Variants in DEDD observed in about 807,000 individuals in gnomAD.
DEDD encodes the protein death effector domain containing.
Under a neutral mutation model 29.2 loss-of-function variants are expected in DEDD, and 3 were observed. The ratio of observed to expected loss-of-function variants is 0.10; its 90% CI spans 0.05 to 0.27. The LOEUF is 0.27. Ranked by LOEUF, DEDD falls within the 10% of genes least tolerant of loss-of-function variation. The pLI, the probability that DEDD is intolerant of heterozygous loss-of-function variation, is 1.00. For missense variants in DEDD, 261 were observed against 420.5 expected, an observed-to-expected ratio of 0.62 and a Z score of 3.32; for synonymous variants, 152 against 161.3, an observed-to-expected ratio of 0.94 and a Z score of 0.44.
At chr1:161,130,215 ACTCT>A (rs1417828203) in intron 2 of DEDD, among the ~76,000 whole-genome samples, 1 of 152,190 alleles carries the variant, frequency 6.6e-6, no homozygotes, top group Non-Finnish European at 1.5e-5. Context: ...GAGATATCTG[ACTCT>A]CTCAGAAGTC....
rs779596398 is a variant in DEDD, at chr1:161,124,473, C to T, written c.-11G>A. The T allele has an allele frequency of 5.0e-6, 8 of 1,593,012 alleles. 2 individuals are homozygous for T. The South Asian group carries it at 7.9e-5, about 16-fold the overall frequency. On this transcript the variant is annotated 5_prime_UTR_variant, in exon 3 of 6. It removes the in-frame stop codon of an upstream open reading frame in the 5' UTR. Coordinates refer to ENST00000368006, the MANE Select transcript of DEDD (RefSeq NM_032998.3). ...CTTTAGGCCCGCCATGCTGGGGGCT[C>T]AGGTACGCAATGCTTTCCAGAATCC...
rs1367743690 is a variant in DEDD, at chr1:161,123,933, A to G, written c.339T>C (p.Leu113=). Residue 113 remains leucine (L), a synonymous_variant, in exon 4 of 6, where the codon CTT becomes CTC. Coordinates refer to ENST00000368006, the MANE Select transcript of DEDD (RefSeq NM_032998.3). ...LKRRRAVCPD[L]VDKYLEETSI... ...ATGTCTCCTCCAGATACTTGTCTAC[A>G]AGATCAGGGCACACTGTAGGAGGAG... 3 of 1,613,966 alleles carry G rather than the reference A, an allele frequency of 1.9e-6. No homozygotes were observed. The highest frequency in any genetic ancestry group is 2.5e-6 in the Non-Finnish European group (3 of 1,180,014).
rs1163468463 is a variant in DEDD, at chr1:161,121,655, A to T, written c.*492T>A. 1 of 154,958 alleles carries T rather than the reference A, an allele frequency of 6.5e-6. No homozygotes were observed. The highest frequency in any genetic ancestry group is 1.4e-5 in the Non-Finnish European group (1 of 69,456). The allele number at this position is 154,958 out of a possible 1,614,324, so 9.6% of individuals were successfully genotyped here. On this transcript the variant is annotated 3_prime_UTR_variant, in exon 6 of 6. Coordinates refer to ENST00000368006, the MANE Select transcript of DEDD (RefSeq NM_032998.3). ...GTGGAAAGGGCCACAGCTTGTTTTT[A>T]AAAAATTCTATAATTTGGAAGAGGG... is the stretch of plus-strand genomic sequence containing the variant.
intron 4 of DEDD, 142 bp from the exon 5 acceptor site, chr1:161,123,363 G>A (rs1655747026): frequency 9.6e-6 from 8 of 835,616 alleles, no homozygotes; most frequent in African/African-American, 1.7e-5. Context: ...TGTGAGACCA[G>A]GTGCAGTGGC....
In DEDD at chr1:161,122,024, T is replaced by TAA. The variant is rs34197267; in HGVS notation, c.*121_*122dup. On this transcript the variant is annotated 3_prime_UTR_variant, in exon 6 of 6. Transcript: ENST00000368006. The surrounding 1 kb of genome is among the most constrained non-coding windows in gnomAD (Gnocchi z 4.2). ...TTCCACTTTCTTTTGTCTTTTTCTTTAAAAAAAAAAAAAAAAAGGCAGGGG... is the reference window on the plus strand; with the variant it reads ...TTCCACTTTCTTTTGTCTTTTTCTTTAAAAAAAAAAAAAAAAAAAGGCAGGGG... 17,882 of 1,060,588 alleles carry TAA rather than the reference T, an allele frequency of 0.017. 3 individuals carry two copies. Among genetic ancestry groups the TAA allele is most frequent in the Middle Eastern group, 0.018 (54 of 2,962 alleles). 65.7% of individuals were successfully genotyped at this position (1,060,588 alleles called of 1,614,324 possible). A position where few individuals can be genotyped will look rare whatever the true frequency, so the allele number is the denominator to read the frequency against.
rs1655455075 is a variant in DEDD at position 161,121,212 on chromosome 1, A to G, written c.*935T>C. On this transcript the variant is annotated 3_prime_UTR_variant, in exon 6 of 6. Coordinates refer to ENST00000368006, the MANE Select transcript of DEDD (RefSeq NM_032998.3). ...AACACTCAGTGCATGTCCCAGCCCC[A>G]TTCTCCCAAGCATGGGAGTGGGCGT... is the stretch of plus-strand genomic sequence containing the variant. 1 of 1,000,828 alleles carries G rather than the reference A, an allele frequency of 1.0e-6. No individual in the cohort carries two copies. Among genetic ancestry groups the G allele is most frequent in the Non-Finnish European group, 1.2e-6 (1 of 837,952 alleles). The allele number at this position is 1,000,828 out of a possible 1,614,324, so 62.0% of individuals were successfully genotyped here. A position where few individuals can be genotyped will look rare whatever the true frequency, so the allele number is the denominator to read the frequency against.
At chr1:161,123,003 C>T (rs769589484) in intron 5 of DEDD, 72 bp downstream of exon 5, 1 of 1,614,102 alleles carries the variant, frequency 6.2e-7, no homozygotes, top group Non-Finnish European at 8.5e-7. Context: ...GCATAAACTG[C>T]CCAGTGTCCC....
chr1:161,130,902 T>TA (rs1313878048), intron 1 of DEDD, 55 bp from the exon 2 acceptor site: 1 of 151,980 alleles, frequency 6.6e-6, no homozygotes, highest in Non-Finnish European at 1.5e-5. Flanking sequence ...GAGGGGAAAA[T>TA]AATTAATTTT....
chr1:161,125,200 A>C (rs1354295231), intron 2 of DEDD: 1 of 152,222 alleles, frequency 6.6e-6, no homozygotes, highest in Non-Finnish European at 1.5e-5. Context: ...TCATCTATAA[A>C]CAGGGATGAA....
intron 2 of DEDD, among the ~76,000 whole-genome samples, chr1:161,127,346 G>A (rs992673493): frequency 6.6e-6 from 1 of 152,178 alleles, no homozygotes; most frequent in South Asian, 2.1e-4. Context: ...CAATTAAACA[G>A]GTTGCTCTGT....
chr1:161,129,466 A>T (rs1442458168), intron 2 of DEDD, among the ~76,000 whole-genome samples: 2 of 151,432 alleles, frequency 1.3e-5, no homozygotes, highest in African/African-American at 4.9e-5. Flanking sequence ...GCATAGTGGG[A>T]CATACCTGTG....
At chr1:161,124,756 G>GT (rs1418447661) in intron 2 of DEDD, 7 of 362,218 alleles carry the variant, frequency 1.9e-5, no homozygotes, top group African/African-American at 6.2e-5. Flanking sequence ...GAGCCCAGGC[G>GT]TTTAAGACCA....
rs933198992 is a variant in DEDD, at chr1:161,123,881, G to C, written c.391C>G (p.Leu131Val). ...TSIRYVTPRALSDPEPRPPQP... is the reference protein window; with the variant it reads ...TSIRYVTPRAVSDPEPRPPQP... ...GGAGGCCTTGGTTCTGGATCACTGAGGGCTCTGGGGGTCACATAGCGAATT... is the reference window on the plus strand; with the variant it reads ...GGAGGCCTTGGTTCTGGATCACTGACGGCTCTGGGGGTCACATAGCGAATT... The change falls in exon 4 of 6, where the codon CTC becomes GTC. Residue 131 changes from leucine (L) to valine (V), a missense_variant. Leu to Val is a conservative substitution (Grantham distance 32, BLOSUM62 1). Transcript: ENST00000368006. 3.7e-6 allele frequency: 6 copies of C among 1,613,924 alleles called. No individual in the cohort carries two copies. Among genetic ancestry groups the C allele is most frequent in the Admixed American group, 1.7e-5 (1 of 59,984 alleles).
chr1:161,126,786 C>A (rs904786987), intron 2 of DEDD, among the ~76,000 whole-genome samples: 2 of 152,110 alleles, frequency 1.3e-5, no homozygotes, highest in African/African-American at 4.8e-5. Context: ...TTTCTCTATA[C>A]CTTCTTCAGG....
At position 161,124,336 on chromosome 1, in the gene DEDD, GCACATCT is replaced by G; in HGVS notation, c.120_126del (p.Arg40SerfsTer73). The G allele has an allele frequency of 6.2e-7, 1 of 1,614,232 alleles. No homozygotes were observed. Among genetic ancestry groups the G allele is most frequent in the Non-Finnish European group, 8.5e-7 (1 of 1,180,050 alleles). ...TCAACAAAGAGGAAAGAAAGCACGC[GCACATCT>G]CTGTGTGTCAGATGAGTGCCCACGA... On this transcript the variant is annotated frameshift_variant, in exon 3 of 6. Coordinates refer to ENST00000368006, the MANE Select transcript of DEDD (RefSeq NM_032998.3). LOFTEE classifies it high-confidence loss of function.
intron 1 of DEDD, among the ~76,000 whole-genome samples, chr1:161,131,794 C>T (rs1307732249): frequency 1.3e-5 from 2 of 152,054 alleles, no homozygotes; most frequent in Non-Finnish European, 1.5e-5. Flanking sequence ...TTAGAATTGG[C>T]TGCAACTGAT....
Position 161,121,927 on chromosome 1 carries a change from C to A in DEDD, c.*220G>T. 1 of 560,296 alleles carries A rather than the reference C, an allele frequency of 1.8e-6. No homozygotes were observed. 34.7% of individuals were successfully genotyped at this position (560,296 alleles called of 1,614,324 possible). A position where few individuals can be genotyped will look rare whatever the true frequency, so the allele number is the denominator to read the frequency against. On this transcript the variant is annotated 3_prime_UTR_variant, in exon 6 of 6. Transcript: ENST00000368006. ...GTAAGGTAGCTGTAGAGACACATTA[C>A]GGGGTAAATGGAAAAGGGAAATAAA...
intron 2 of DEDD, among the ~76,000 whole-genome samples, chr1:161,127,053 T>C (rs1656254709): frequency 6.6e-6 from 1 of 152,204 alleles, no homozygotes; most frequent in African/African-American, 2.4e-5. Context: ...TAGATCCTAC[T>C]CAACTCATGG....
intron 2 of DEDD, among the ~76,000 whole-genome samples, chr1:161,127,728 A>G (rs1656311949): frequency 6.6e-6 from 1 of 152,184 alleles, no homozygotes; most frequent in Non-Finnish European, 1.5e-5. Context: ...GAAGGTGCTA[A>G]AGGAAAATAA....
Sources: allele counts gnomAD v4.1 joint callset (sites outside exome capture counted in the v4.1 genomes callset), GRCh38; gene constraint gnomAD v4.1.1; non-coding constraint Gnocchi (gnomAD v3.1); transcripts MANE v1.5; gene names NCBI Gene and HGNC (gene_info 2026-07-23, HGNC 2026-07-21).